The following LIPA variants were observed in gnomAD, a reference collection of about 807,000 sequenced individuals.
The protein encoded by LIPA is lipase A, lysosomal acid type.
LIPA carries 26 observed loss-of-function variants against 40.6 expected under a neutral mutation model. The observed-to-expected ratio is 0.64, with a 90% CI of 0.47 to 0.89. The LOEUF (loss-of-function observed/expected upper bound fraction) is 0.89, where lower values mean the gene tolerates loss of function less well. Ranked by LOEUF, LIPA falls within the 40% of genes least tolerant of loss-of-function variation. The pLI is 0.00. For synonymous variants in LIPA, 188 were observed against 168.4 expected (o/e 1.12, Z -0.90); for missense variants, 455 against 479.6 (o/e 0.95, Z 0.48).
intron 2 of LIPA, chr10:89,405,101 T>A (rs1334874394): frequency 6.6e-6 from 1 of 152,230 alleles, no homozygotes; most frequent in African/African-American, 2.4e-5. Context: ...CAGTTTACAA[T>A]CTAGTGAGAG....
At chr10:89,235,582 T>C (rs1842894976) in intron 3 of LIPA, among the ~76,000 whole-genome samples, 2 of 152,234 alleles carry the variant, frequency 1.3e-5, no homozygotes, top group Admixed American at 6.5e-5. Flanking sequence ...AGGAGGAAGA[T>C]GACCGGGTAG....
intron 1 of LIPA, among the ~76,000 whole-genome samples, chr10:89,273,768 G>A (rs1001472273): frequency 3.9e-5 from 6 of 152,202 alleles, no homozygotes; most frequent in Non-Finnish European, 7.3e-5. Flanking sequence ...AATAAAACCA[G>A]GTATTTTATT....
intron 2 of LIPA, among the ~76,000 whole-genome samples, chr10:89,369,197 C>A (rs984894966): frequency 6.6e-6 from 1 of 152,114 alleles, no homozygotes; most frequent in African/African-American, 2.4e-5. Flanking sequence ...ACAAAAGAAG[C>A]ATTCACTCCA....
chr10:89,247,547 G>A lies in LIPA; in HGVS notation c.102C>T (p.Asn34=). ...GKLTAVDPET[N]MNVSEIISYW... ...ACTTTGAGAAACTTACCACATTCAT[G>A]TTTGTTTCAGGATCCACAGCTGTCA... Residue 34 remains asparagine, a synonymous_variant, in exon 2 of 10, where the codon AAC becomes AAT. Transcript: ENST00000336233. The A allele has an allele frequency of 6.2e-7, 1 of 1,602,088 alleles. No individual in the cohort carries two copies. Among genetic ancestry groups the A allele is most frequent in the Non-Finnish European group, 8.6e-7 (1 of 1,169,036 alleles).
At chr10:89,345,121 C>G (rs898038971), upstream of LIPA, among the ~76,000 whole-genome samples, 1 of 151,214 alleles carries the variant, frequency 6.6e-6, no homozygotes, top group Admixed American at 6.6e-5. Context: ...GAGCCGAGAT[C>G]GCACCACTGC....
At chr10:89,347,250 T>A (rs1035688447), upstream of LIPA, among the ~76,000 whole-genome samples, 2 of 152,208 alleles carry the variant, frequency 1.3e-5, no homozygotes, top group Non-Finnish European at 2.9e-5. Context: ...CAGCATCAAA[T>A]TGTGACAACA....
intron 1 of LIPA, among the ~76,000 whole-genome samples, chr10:89,291,826 G>A (rs1589590931): frequency 6.6e-6 from 1 of 152,202 alleles, no homozygotes; most frequent in East Asian, 1.9e-4. Context: ...TCACCAGGAA[G>A]GGGGCTTCCT....
chr10:89,219,336 A>G (rs17117501), intron 8 of LIPA, among the ~76,000 whole-genome samples: 6,312 of 152,162 alleles, frequency 0.041, 333 homozygotes, highest in African/African-American at 0.13. Flanking sequence ...GGAAAACTAC[A>G]CTGGGATGGC....
chr10:89,217,315 G>A (rs1468234635), intron 8 of LIPA, among the ~76,000 whole-genome samples: 3 of 152,160 alleles, frequency 2.0e-5, no homozygotes, highest in Non-Finnish European at 4.4e-5. Flanking sequence ...ATTGTTACAG[G>A]AGAAATATTT....
At chr10:89,384,506 C>T (rs767799915) in intron 2 of LIPA, 1 of 1,613,820 alleles carries the variant, frequency 6.2e-7, no homozygotes, top group African/African-American at 1.3e-5. Flanking sequence ...CAAGATAAAG[C>T]AATTACCCAT....
chr10:89,309,990 G>A (rs1019327584), intron 1 of LIPA, among the ~76,000 whole-genome samples: 4 of 152,182 alleles, frequency 2.6e-5, no homozygotes, highest in Admixed American at 1.3e-4. Context: ...GACCACATCT[G>A]CTACTTATGT....
chr10:89,343,189 C>A (rs1290221322), upstream of LIPA, among the ~76,000 whole-genome samples: 1 of 152,182 alleles, frequency 6.6e-6, no homozygotes, highest in African/African-American at 2.4e-5. Context: ...GATATGAGAG[C>A]CTTCAGAAAT....
chr10:89,338,416 T>C (rs1322632724), intron 1 of LIPA: 8 of 427,852 alleles, frequency 1.9e-5, no homozygotes, highest in East Asian at 1.1e-4. Flanking sequence ...CTTTTTGTTC[T>C]ATTAAGGCCC....
At chr10:89,233,003 A>G (rs1460889759) in intron 3 of LIPA, among the ~76,000 whole-genome samples, 1 of 152,244 alleles carries the variant, frequency 6.6e-6, no homozygotes, top group African/African-American at 2.4e-5. Flanking sequence ...TTCTAAGAAC[A>G]TCGGTAAATA....
intron 8 of LIPA, among the ~76,000 whole-genome samples, chr10:89,218,760 G>A (rs1341825882): frequency 6.6e-6 from 1 of 152,142 alleles, no homozygotes; most frequent in African/African-American, 2.4e-5. Context: ...TGGCCTCATG[G>A]AACACAGCCA....
At chr10:89,345,482 TCATGC>T (rs1488354621), upstream of LIPA, among the ~76,000 whole-genome samples, 1 of 151,780 alleles carries the variant, frequency 6.6e-6, no homozygotes, top group Non-Finnish European at 1.5e-5. Flanking sequence ...TGAGCTGAGA[TCATGC>T]CACTACACTC....
At chr10:89,287,418 T>A (rs141332135) in intron 1 of LIPA, among the ~76,000 whole-genome samples, 432 of 152,288 alleles carry the variant, frequency 2.8e-3, no homozygotes, top group African/African-American at 9.8e-3. Flanking sequence ...TATGCACCCT[T>A]TTTTAATTAT....
At chr10:89,303,743 G>T (rs1253235972) in intron 1 of LIPA, among the ~76,000 whole-genome samples, 1 of 152,210 alleles carries the variant, frequency 6.6e-6, no homozygotes, top group African/African-American at 2.4e-5. Context: ...TTTGTAAAAT[G>T]AGAAAGGAGC....
At chr10:89,351,343 GT>G (rs996977613) in intron 2 of LIPA, among the ~76,000 whole-genome samples, 2 of 152,114 alleles carry the variant, frequency 1.3e-5, no homozygotes, top group South Asian at 2.1e-4. Flanking sequence ...GCACAGAATG[GT>G]TTTTTTCCTC....
Sources: allele counts gnomAD v4.1 joint callset (sites outside exome capture counted in the v4.1 genomes callset), GRCh38; gene constraint gnomAD v4.1.1; transcripts MANE v1.5; gene names NCBI Gene and HGNC (gene_info 2026-07-23, HGNC 2026-07-21).